Variants in RALYL observed in about 807,000 individuals in gnomAD.
RALYL encodes the protein RNA-binding Raly-like protein.
In RALYL, 29 loss-of-function variants were observed where a neutral mutation model predicts 35.1. The observed-to-expected ratio is 0.83, with a 90% CI of 0.61 to 1.13. The LOEUF is 1.13. Ranked by LOEUF, RALYL falls within the 50% of genes most tolerant of loss-of-function variation. RALYL has a pLI of 0.00. For missense variants in RALYL, 359 were observed against 360.4 expected (o/e 1.00, Z 0.03); for synonymous variants, 120 against 127.6 (o/e 0.94, Z 0.40).
intron 2 of RALYL, among the ~76,000 whole-genome samples, chr8:84,619,191 G>T (rs935912951): frequency 5.9e-5 from 9 of 151,606 alleles, no homozygotes; most frequent in Non-Finnish European, 1.0e-4. Context: ...GTTGACAGTG[G>T]GGTGTTAAAG....
At chr8:84,455,037 T>C (rs1390902000) in intron 1 of RALYL, among the ~76,000 whole-genome samples, 1 of 152,014 alleles carries the variant, frequency 6.6e-6, no homozygotes, top group Non-Finnish European at 1.5e-5. Context: ...ATACATAGTA[T>C]AATATAAAAT....
intron 1 of RALYL, among the ~76,000 whole-genome samples, chr8:84,427,069 A>G (rs942450436): frequency 6.6e-6 from 1 of 152,180 alleles, no homozygotes; most frequent in African/African-American, 2.4e-5. Context: ...AGATAAATAA[A>G]TTGGTACATA....
rs1447457246 is a variant in RALYL, at chr8:84,380,937, C to T, written c.-23-148362C>T. The stretch of plus-strand genomic sequence containing the variant: ...CCCCACAGAATCTGAGGTCTGGCAG[C>T]TCAGACAGAAGCTGGGTGGAGGGTG... On this transcript the variant is annotated intron_variant, in intron 1 of 8. Transcript: ENST00000521268. Among the ~76,000 whole-genome samples the T allele has an allele frequency of 2.6e-5, 4 of 151,810 alleles. No homozygotes were observed. In the East Asian group the frequency reaches 7.8e-4, roughly 30 times the overall value.
Position 84,335,725 on chromosome 8 carries a change from TTTTC to T in RALYL, c.-24+151302_-24+151305del, listed in dbSNP as rs113930521. Among the ~76,000 whole-genome samples, 509 of 147,800 alleles carry T rather than the reference TTTTC, an allele frequency of 3.4e-3. 1 individual carries two copies. Among genetic ancestry groups the T allele is most frequent in the Non-Finnish European group, 4.9e-3 (328 of 67,070 alleles). Reference sequence around the variant, plus strand: ...TTTTCTTACCTTTTTTTTTTTTTTTTTTTCCAAGACCTGATTTTGCCAAATCATT... The same window carrying T: ...TTTTCTTACCTTTTTTTTTTTTTTTTCAAGACCTGATTTTGCCAAATCATT... On this transcript the variant is annotated intron_variant, in intron 1 of 8. Coordinates refer to ENST00000521268, the MANE Select transcript of RALYL (RefSeq NM_173848.7).
chr8:84,499,444 A>T (rs927860065), intron 1 of RALYL, among the ~76,000 whole-genome samples: 2 of 152,166 alleles, frequency 1.3e-5, no homozygotes, highest in African/African-American at 2.4e-5. Flanking sequence ...AACTGATAAG[A>T]TCTGAAGATT....
At chr8:84,403,999 T>A (rs1563861389) in intron 1 of RALYL, among the ~76,000 whole-genome samples, 1 of 152,154 alleles carries the variant, frequency 6.6e-6, no homozygotes, top group Non-Finnish European at 1.5e-5. Context: ...TGTATAGGAA[T>A]GCTTGTGATT....
At chr8:84,688,469 G>C (rs1837299824) in intron 2 of RALYL, among the ~76,000 whole-genome samples, 1 of 151,968 alleles carries the variant, frequency 6.6e-6, no homozygotes, top group South Asian at 2.1e-4. Flanking sequence ...CACACAATGG[G>C]GAAAGGAAAA....
intron 2 of RALYL, among the ~76,000 whole-genome samples, chr8:84,599,800 T>C (rs1189138948): frequency 6.6e-6 from 1 of 152,146 alleles, no homozygotes; most frequent in Non-Finnish European, 1.5e-5. Flanking sequence ...AATTTTATTT[T>C]AGCTATACAC....
intron 1 of RALYL, among the ~76,000 whole-genome samples, chr8:84,202,663 T>C (rs1415534538): frequency 3.9e-5 from 6 of 152,126 alleles, no homozygotes; most frequent in South Asian, 2.1e-4. Context: ...TGAGCCACCG[T>C]GCCCAGCCCT....
At chr8:84,697,690 T>G (rs1839412872) in intron 2 of RALYL, among the ~76,000 whole-genome samples, 1 of 152,020 alleles carries the variant, frequency 6.6e-6, no homozygotes, top group Non-Finnish European at 1.5e-5. Context: ...ATCACCCAGG[T>G]ATTAAGCCTA....
chr8:84,336,101 G>T (rs1419267252), intron 1 of RALYL, among the ~76,000 whole-genome samples: 1 of 152,120 alleles, frequency 6.6e-6, no homozygotes, highest in Non-Finnish European at 1.5e-5. Context: ...TTTGGGGATT[G>T]ATTACAATCT....
chr8:84,540,079 A>G (rs2135225187), intron 2 of RALYL, among the ~76,000 whole-genome samples: 1 of 151,812 alleles, frequency 6.6e-6, no homozygotes, highest in African/African-American at 2.4e-5. Context: ...TGTATTTATG[A>G]CCTTCTAAAA....
In RALYL at chr8:84,305,888, T is replaced by C. The variant is rs193115951; in HGVS notation, c.-24+121464T>C. On this transcript the variant is annotated intron_variant, in intron 1 of 8. Coordinates refer to ENST00000521268, the MANE Select transcript of RALYL (RefSeq NM_173848.7). ...ATTTGTTGAGGAAGAAAACAAAGAG[T>C]ATGTAATTCCAGTGTCCTAAGAGGC... Among the ~76,000 whole-genome samples, 184 of 151,960 alleles carry C rather than the reference T, an allele frequency of 1.2e-3. 2 individuals are homozygous for C. Among genetic ancestry groups the C allele is most frequent in the Admixed American group, 1.6e-3 (25 of 15,244 alleles).
At chr8:84,502,860 C>T (rs1483139057) in intron 1 of RALYL, among the ~76,000 whole-genome samples, 1 of 150,446 alleles carries the variant, frequency 6.6e-6, no homozygotes. Context: ...ATTGAAATGC[C>T]CTTTTACTTT....
chr8:84,468,328 A>G (rs1214348114), intron 1 of RALYL, among the ~76,000 whole-genome samples: 9 of 151,810 alleles, frequency 5.9e-5, no homozygotes, highest in Admixed American at 2.6e-4. Context: ...AGCTCTTGTA[A>G]GGCAGGCCTG....
chr8:84,523,519 AT>A (rs571549591), intron 1 of RALYL, among the ~76,000 whole-genome samples: 11 of 148,148 alleles, frequency 7.4e-5, no homozygotes, highest in South Asian at 2.2e-4. Flanking sequence ...TTATTTTTTT[AT>A]TTTTTTTATT....
chr8:84,292,469 G>T (rs1026002624), intron 1 of RALYL, among the ~76,000 whole-genome samples: 3 of 152,086 alleles, frequency 2.0e-5, no homozygotes, highest in African/African-American at 7.2e-5. Flanking sequence ...AAATAGGAGT[G>T]GGGTAAAATG....
chr8:84,638,949 TACACACAC>T (rs1223666334), intron 2 of RALYL, among the ~76,000 whole-genome samples: 1 of 81,404 alleles, frequency 1.2e-5, no homozygotes, highest in Non-Finnish European at 2.4e-5. Context: ...CATATATATG[TACACACAC>T]ACACACAGAC....
chr8:84,269,380 G>T (rs1358782291), intron 1 of RALYL, among the ~76,000 whole-genome samples: 1 of 152,086 alleles, frequency 6.6e-6, no homozygotes, highest in Non-Finnish European at 1.5e-5. Context: ...TGGGATGCAG[G>T]TCTCCTATTA....
Sources: allele counts gnomAD v4.1 joint callset (sites outside exome capture counted in the v4.1 genomes callset), GRCh38; gene constraint gnomAD v4.1.1; transcripts MANE v1.5; gene names NCBI Gene and HGNC (gene_info 2026-07-23, HGNC 2026-07-21).